Variants in SOX5 observed in about 807,000 individuals in gnomAD.
SOX5 encodes the protein SRY-box transcription factor 5.
In SOX5, 9 loss-of-function variants were observed where a neutral mutation model predicts 92.0. That is an observed-to-expected ratio of 0.10 (90% CI 0.06 to 0.17). The LOEUF (loss-of-function observed/expected upper bound fraction) is 0.17, where lower values mean the gene tolerates loss of function less well. SOX5 is among the 10% of genes least tolerant of loss of function. The pLI, the probability that SOX5 is intolerant of heterozygous loss-of-function variation, is 1.00. For missense variants in SOX5, 642 were observed against 944.5 expected (o/e 0.68, Z 4.20); for synonymous variants, 344 against 336.3 (o/e 1.02, Z -0.25).
At chr12:23,707,681 C>T (rs1406520193) in intron 6 of SOX5, among the ~76,000 whole-genome samples, 1 of 151,954 alleles carries the variant, frequency 6.6e-6, no homozygotes, top group African/African-American at 2.4e-5. Flanking sequence ...AGTAATAAAG[C>T]GTTTATTCAT....
chr12:24,339,700 C>T (rs1258988643), intron 2 of SOX5, among the ~76,000 whole-genome samples: 1 of 152,212 alleles, frequency 6.6e-6, no homozygotes, highest in African/African-American at 2.4e-5. Context: ...TGGTAACTCA[C>T]ACTAGAATTA....
At chr12:23,817,405 G>A (rs1004171240) in intron 3 of SOX5, among the ~76,000 whole-genome samples, 2 of 152,146 alleles carry the variant, frequency 1.3e-5, no homozygotes, top group African/African-American at 4.8e-5. Flanking sequence ...CTTATTAGTT[G>A]CAGCACCCAA....
chr12:24,418,645 T>G (rs561620064), intron 1 of SOX5, among the ~76,000 whole-genome samples: 1 of 152,286 alleles, frequency 6.6e-6, no homozygotes, highest in African/African-American at 2.4e-5. Flanking sequence ...GCTGAAACCA[T>G]TGGAAAAGGC....
intron 3 of SOX5, among the ~76,000 whole-genome samples, chr12:24,219,460 A>G (rs1367798914): frequency 6.6e-6 from 1 of 152,092 alleles, no homozygotes. Flanking sequence ...AATAATTCAA[A>G]CTTCTAAAAA....
At chr12:24,189,763 T>G (rs7969191) in intron 4 of SOX5, among the ~76,000 whole-genome samples, 29,636 of 152,138 alleles carry the variant, frequency 0.19, 3,883 homozygotes, top group African/African-American at 0.38. Context: ...ATGCACTATT[T>G]TTGTCCTATG....
At chr12:23,607,005 T>G (rs2075334222) in intron 8 of SOX5, among the ~76,000 whole-genome samples, 1 of 152,210 alleles carries the variant, frequency 6.6e-6, no homozygotes, top group African/African-American at 2.4e-5. Flanking sequence ...ATAAACCTGC[T>G]ATTCAGTTCG....
chr12:23,579,416 T>C (rs1949736507), intron 9 of SOX5, among the ~76,000 whole-genome samples: 1 of 152,218 alleles, frequency 6.6e-6, no homozygotes, highest in Admixed American at 6.5e-5. Context: ...TACTGGTAAC[T>C]GTATAAATAA....
intron 4 of SOX5, among the ~76,000 whole-genome samples, chr12:24,064,932 T>A (rs1406682215): frequency 2.0e-5 from 3 of 152,176 alleles, no homozygotes; most frequent in Non-Finnish European, 4.4e-5. Flanking sequence ...CCAAAGAAAG[T>A]TTATATACAT....
At position 24,490,712 on chromosome 12, in the gene SOX5, C is replaced by T. The variant is rs554836356; in HGVS notation, c.-251+71617G>A. 1.6e-3 allele frequency among the ~76,000 whole-genome samples: 247 copies of T among 152,070 alleles called. 5 individuals are homozygous for T. The highest frequency in any genetic ancestry group is 1.9e-4 in the Non-Finnish European group (13 of 67,972). Reference sequence around the variant, plus strand: ...TGGTGTTGTGTGGGTGGGTTGGAGGCACATGAAGAGCTCCAAAATCCATAT... The same window carrying T: ...TGGTGTTGTGTGGGTGGGTTGGAGGTACATGAAGAGCTCCAAAATCCATAT... On this transcript the variant is annotated intron_variant, in intron 1 of 4. Coordinates refer to the SOX5 transcript ENST00000446891.
At position 23,596,838 on chromosome 12, in the gene SOX5, A is replaced by G. The variant is rs74788693; in HGVS notation, c.1164+7549T>C. Among the ~76,000 whole-genome samples the G allele has an allele frequency of 7.6e-3, 1,151 of 152,342 alleles. 102 individuals are homozygous for G. In the East Asian group the frequency reaches 0.2, roughly 26 times the overall value. On this transcript the variant is annotated intron_variant, in intron 9 of 14. Transcript: ENST00000451604. The stretch of plus-strand genomic sequence containing the variant: ...TAGCTAGATAAGTAGTGTGACAGGT[A>G]GAAAATATATCATTTATCTTTAAAA...
intron 4 of SOX5, among the ~76,000 whole-genome samples, chr12:24,115,213 T>C (rs1947857827): frequency 6.6e-6 from 1 of 152,018 alleles, no homozygotes; most frequent in African/African-American, 2.4e-5. Context: ...AGATTAGAGG[T>C]AGAGTCTTGC....
intron 4 of SOX5, among the ~76,000 whole-genome samples, chr12:24,081,860 C>T (rs1276334148): frequency 6.6e-6 from 1 of 151,984 alleles, no homozygotes; most frequent in African/African-American, 2.4e-5. Context: ...CTCTCACCCG[C>T]TTTCTCTCAT....
intron 4 of SOX5, among the ~76,000 whole-genome samples, chr12:24,181,415 T>A (rs1482398024): frequency 6.6e-6 from 1 of 152,178 alleles, no homozygotes; most frequent in Non-Finnish European, 1.5e-5. Context: ...TCTAAATGAA[T>A]GACTGAATGG....
At chr12:23,978,017 C>A (rs2136123910) in intron 4 of SOX5, among the ~76,000 whole-genome samples, 1 of 152,328 alleles carries the variant, frequency 6.6e-6, no homozygotes, top group East Asian at 1.9e-4. Context: ...AGCTTGCACA[C>A]TGTATGTTTT....
chr12:24,436,270 T>C (rs966239823), intron 1 of SOX5, among the ~76,000 whole-genome samples: 3 of 152,218 alleles, frequency 2.0e-5, no homozygotes, highest in African/African-American at 7.2e-5. Flanking sequence ...CTAGGACTCT[T>C]GTGCCAAACA....
intron 3 of SOX5, among the ~76,000 whole-genome samples, chr12:24,275,922 T>C (rs921992915): frequency 6.6e-6 from 1 of 152,048 alleles, no homozygotes; most frequent in African/African-American, 2.4e-5. Flanking sequence ...AGGCATAGCT[T>C]TGCATTCCTT....
intron 7 of SOX5, among the ~76,000 whole-genome samples, chr12:23,641,195 C>A (rs1054511011): frequency 6.6e-6 from 1 of 151,630 alleles, no homozygotes; most frequent in East Asian, 1.9e-4. Context: ...AACACACACG[C>A]GCGTGCACAC....
intron 2 of SOX5, among the ~76,000 whole-genome samples, chr12:23,876,482 A>G (rs1416628369): frequency 6.6e-6 from 1 of 152,194 alleles, no homozygotes; most frequent in Non-Finnish European, 1.5e-5. Flanking sequence ...GAAACAACAG[A>G]TGCTGCAGAG....
intron 1 of SOX5, among the ~76,000 whole-genome samples, chr12:23,926,220 A>C (rs1265791056): frequency 8.5e-5 from 13 of 152,106 alleles, no homozygotes; most frequent in Admixed American, 8.5e-4. Context: ...ATTCAGTGGT[A>C]CATCTCCTAA....
Sources: allele counts gnomAD v4.1 joint callset (sites outside exome capture counted in the v4.1 genomes callset), GRCh38; gene constraint gnomAD v4.1.1; transcripts MANE v1.5; gene names NCBI Gene and HGNC (gene_info 2026-07-23, HGNC 2026-07-21).